Variants in ADGRB3 observed in about 807,000 individuals in gnomAD.
ADGRB3 encodes the protein adhesion G protein-coupled receptor B3, also known as brain-specific angiogenesis inhibitor 3.
ADGRB3 carries 37 observed loss-of-function variants against 193.4 expected under a neutral mutation model. The ratio of observed to expected loss-of-function variants is 0.19; its 90% confidence interval spans 0.15 to 0.25. The LOEUF is 0.25. Ranked by LOEUF, ADGRB3 falls within the 10% of genes least tolerant of loss-of-function variation. ADGRB3 has a pLI of 1.00. For missense variants in ADGRB3, 1,637 were observed against 1,852.9 expected, an observed-to-expected ratio of 0.88 and a Z score of 2.14; for synonymous variants, 690 against 644.2, an observed-to-expected ratio of 1.07 and a Z score of -1.08.
At chr6:69,206,273 G>T (rs186658950) in intron 17 of ADGRB3, among the ~76,000 whole-genome samples, 219 of 151,712 alleles carry the variant, frequency 1.4e-3, no homozygotes, top group African/African-American at 4.9e-3. Flanking sequence ...TCATTTTTCT[G>T]CCTGCTTATA....
At chr6:69,325,057 CA>C (rs1162105502) in intron 21 of ADGRB3, 35 bp downstream of exon 21, 1 of 1,590,904 alleles carries the variant, frequency 6.3e-7, no homozygotes, top group Admixed American at 1.7e-5. Flanking sequence ...ATGCTCTTCT[CA>C]AAATGACGTT....
At chr6:68,683,107 AT>A (rs1379423115) in intron 3 of ADGRB3, among the ~76,000 whole-genome samples, 4 of 152,278 alleles carry the variant, frequency 2.6e-5, no homozygotes, top group South Asian at 2.1e-4. Context: ...TCTTAAAAAA[AT>A]AAATAAATAT....
chr6:69,363,059 A>T (rs1309139477), intron 29 of ADGRB3, among the ~76,000 whole-genome samples: 1 of 152,042 alleles, frequency 6.6e-6, no homozygotes, highest in Non-Finnish European at 1.5e-5. Flanking sequence ...TTTTACATCT[A>T]AAAGCCTGAA....
chr6:68,683,714 A>AT (rs1764935752), intron 3 of ADGRB3, among the ~76,000 whole-genome samples: 3 of 152,170 alleles, frequency 2.0e-5, no homozygotes, highest in Admixed American at 6.5e-5. Flanking sequence ...TGTAGGACTA[A>AT]TGGAAGATTG....
chr6:69,388,633 C>T, intron 31 of ADGRB3, 70 bp from the exon 32 acceptor site: 2 of 1,429,974 alleles, frequency 1.4e-6, no homozygotes, highest in Non-Finnish European at 1.9e-6. Context: ...ACGCTCTCTT[C>T]CTGGAAACTT....
chr6:69,298,596 A>T (rs1371825008), intron 20 of ADGRB3, among the ~76,000 whole-genome samples: 1 of 151,848 alleles, frequency 6.6e-6, no homozygotes, highest in Non-Finnish European at 1.5e-5. Context: ...TCATGAGATC[A>T]ATATTTTTAG....
At chr6:68,825,293 C>T (rs1767822342) in intron 3 of ADGRB3, among the ~76,000 whole-genome samples, 1 of 151,994 alleles carries the variant, frequency 6.6e-6, no homozygotes, top group South Asian at 2.1e-4. Flanking sequence ...TGTGACAATT[C>T]TGTATGGCCT....
chr6:69,021,398 A>G (rs1309383742), intron 13 of ADGRB3, among the ~76,000 whole-genome samples: 1 of 151,926 alleles, frequency 6.6e-6, no homozygotes, highest in African/African-American at 2.4e-5. Context: ...ATTTAATAAA[A>G]GACTCTCAGA....
At chr6:69,061,779 A>T (rs77811163) in intron 15 of ADGRB3, among the ~76,000 whole-genome samples, 1 of 150,842 alleles carries the variant, frequency 6.6e-6, no homozygotes. Context: ...GTTAAAATTA[A>T]AACAGCAGCA....
chr6:69,377,171 G>C (rs1199317183), intron 30 of ADGRB3, among the ~76,000 whole-genome samples: 1 of 151,882 alleles, frequency 6.6e-6, no homozygotes, highest in Non-Finnish European at 1.5e-5. Flanking sequence ...TTCACTTTAG[G>C]CTAATATTCA....
rs186143804 is a variant in ADGRB3, at chr6:68,974,653, A to T, written c.1526-110A>T. ...CCATCTCTAAAAAAAAGAAAGAAAA[A>T]AAAAGAAAACTAAAGAGCTCTGCAG... On this transcript the variant is annotated intron_variant, in intron 8 of 31. Coordinates refer to ENST00000370598, the MANE Select transcript of ADGRB3 (RefSeq NM_001704.3). The T allele has an allele frequency of 4.4e-4, 358 of 806,084 alleles. 1 individual carries two copies. The African/African-American group carries it at 5.9e-3, about 13-fold the overall frequency. The allele number at this position is 806,084 out of a possible 1,614,324, so 49.9% of individuals were successfully genotyped here. A position where few individuals can be genotyped will look rare whatever the true frequency, so the allele number is the denominator to read the frequency against.
chr6:68,846,392 A>G (rs1053686111), intron 3 of ADGRB3, among the ~76,000 whole-genome samples: 2 of 152,238 alleles, frequency 1.3e-5, no homozygotes, highest in African/African-American at 4.8e-5. Flanking sequence ...CCCCAAGATT[A>G]TGGGGAAAAT....
intron 17 of ADGRB3, among the ~76,000 whole-genome samples, chr6:69,080,145 A>G (rs781500327): frequency 1.3e-5 from 2 of 152,042 alleles, no homozygotes; most frequent in East Asian, 3.9e-4. Context: ...TCAAAATTTC[A>G]TTTACCTCAC....
intron 8 of ADGRB3, among the ~76,000 whole-genome samples, chr6:68,973,087 A>G (rs2152576): frequency 0.024 from 3,612 of 152,324 alleles, 54 homozygotes; most frequent in Non-Finnish European, 0.033. Context: ...GGAACATGGA[A>G]TAAATAAATG....
intron 27 of ADGRB3, among the ~76,000 whole-genome samples, chr6:69,355,139 G>T (rs1769311963): frequency 6.6e-6 from 1 of 152,072 alleles, no homozygotes; most frequent in African/African-American, 2.4e-5. Flanking sequence ...AATAGGGAAA[G>T]GCATTTGATT....
At chr6:69,339,644 G>A in intron 26 of ADGRB3, 140 bp downstream of exon 26, 1 of 1,080,166 alleles carries the variant, frequency 9.3e-7, no homozygotes, top group Non-Finnish European at 1.3e-6. Context: ...CAAAGCTGAA[G>A]GAATGCTTTA....
intron 17 of ADGRB3, among the ~76,000 whole-genome samples, chr6:69,124,270 C>A (rs1368864781): frequency 6.6e-6 from 1 of 152,048 alleles, no homozygotes; most frequent in South Asian, 2.1e-4. Flanking sequence ...GTTTATTTCT[C>A]TTTTTATTTA....
intron 17 of ADGRB3, among the ~76,000 whole-genome samples, chr6:69,138,802 A>C (rs1310941950): frequency 6.6e-6 from 1 of 152,212 alleles, no homozygotes; most frequent in East Asian, 1.9e-4. Context: ...CTAAATGAAG[A>C]AATTCACATC....
intron 17 of ADGRB3, 102 bp downstream of exon 17, chr6:69,076,140 A>T: frequency 3.0e-6 from 3 of 990,058 alleles, no homozygotes; most frequent in Non-Finnish European, 4.6e-6. Context: ...AGTCAGTGGG[A>T]TGTTGCATTC....
Sources: allele counts gnomAD v4.1 joint callset (sites outside exome capture counted in the v4.1 genomes callset), GRCh38; gene constraint gnomAD v4.1.1; transcripts MANE v1.5; gene names NCBI Gene and HGNC (gene_info 2026-07-23, HGNC 2026-07-21).